The following DDX18 variants were observed in gnomAD, a reference collection of about 807,000 sequenced individuals.
DDX18 encodes ATP-dependent RNA helicase DDX18.
DDX18 carries 23 observed loss-of-function variants against 73.5 expected under a neutral mutation model. The ratio of observed to expected loss-of-function variants is 0.31; its 90% CI spans 0.23 to 0.44. The LOEUF is 0.44. Among genes scored for constraint, DDX18 ranks in the 20% least tolerant of loss-of-function variants. DDX18 has a pLI of 1.00. For synonymous variants in DDX18, 268 were observed against 282.7 expected, an observed-to-expected ratio of 0.95 and a Z score of 0.52; for missense variants, 753 against 792.9, an observed-to-expected ratio of 0.95 and a Z score of 0.60.
chr2:117,829,079 C>A, intron 12 of DDX18, 74 bp downstream of exon 12: 1 of 1,320,656 alleles, frequency 7.6e-7, no homozygotes, highest in Non-Finnish European at 1.1e-6. Flanking sequence ...ATTCACTGGG[C>A]AATCACTGTC....
intron 2 of DDX18, among the ~76,000 whole-genome samples, chr2:117,819,359 G>A (rs1166877491): frequency 1.3e-5 from 2 of 152,126 alleles, no homozygotes; most frequent in African/African-American, 4.8e-5. Context: ...ATGTTAATCA[G>A]GTATGCTTCC....
intron 7 of DDX18, chr2:117,824,306 T>C (rs1016211587): frequency 7.3e-6 from 2 of 274,000 alleles, no homozygotes; most frequent in Non-Finnish European, 1.3e-5. Flanking sequence ...AAAATTTCTT[T>C]AGTAGATATA....
chr2:117,826,250 T>C lies in DDX18; in HGVS notation c.1522-19T>C, dbSNP rs377041827. On this transcript the variant is annotated intron_variant, in intron 10 of 13. Transcript: ENST00000263239. ...GTGGAAGTCACTGCGTTAACTCAGA[T>C]TTTCTTTCTCCACCAAAGGAATATA... 7 of 1,608,112 alleles carry C rather than the reference T, an allele frequency of 4.4e-6. No homozygotes were observed. The highest frequency in any genetic ancestry group is 5.1e-6 in the Non-Finnish European group (6 of 1,176,124).
At chr2:117,824,498 A>G (rs1052553498) in intron 7 of DDX18, 71 bp from the exon 8 acceptor site, 91 of 1,263,596 alleles carry the variant, frequency 7.2e-5, no homozygotes, top group Non-Finnish European at 4.6e-5. Context: ...TACCTAGAAT[A>G]TTTGTAGTTG....
At chr2:117,827,629 T>C (rs1370163512) in intron 11 of DDX18, 2 of 152,146 alleles carry the variant, frequency 1.3e-5, no homozygotes, top group Non-Finnish European at 2.9e-5. Flanking sequence ...AGAATGATGG[T>C]TTCCCGTGTC....
Position 117,822,422 on chromosome 2 carries a change from T to A in DDX18, c.1066+161T>A, listed in dbSNP as rs186035494. 166 of 589,456 alleles carry A rather than the reference T, an allele frequency of 2.8e-4. 1 individual carries two copies. Among genetic ancestry groups the A allele is most frequent in the African/African-American group, 2.8e-3 (148 of 53,540 alleles). 36.5% of individuals were successfully genotyped at this position (589,456 alleles called of 1,614,324 possible). On this transcript the variant is annotated intron_variant, in intron 7 of 13. Coordinates refer to ENST00000263239, the MANE Select transcript of DDX18 (RefSeq NM_006773.4). ...GGTAATTTGGAATACAAGCATCAAA[T>A]GTATTATAACTTGATATAATAGTTT...
At position 117,832,088 on chromosome 2, in the gene DDX18, C is replaced by T. The variant is rs1378874921; in HGVS notation, c.*1364C>T. 6.6e-6 allele frequency: 1 copy of T among 152,330 alleles called. No homozygotes were observed. Among genetic ancestry groups the T allele is most frequent in the South Asian group, 2.1e-4 (1 of 4,832 alleles). 9.4% of individuals were successfully genotyped at this position (152,330 alleles called of 1,614,324 possible). On this transcript the variant is annotated 3_prime_UTR_variant, in exon 14 of 14. Coordinates refer to ENST00000263239, the MANE Select transcript of DDX18 (RefSeq NM_006773.4). ...CTTGACTGCTGAGCTCCTGGCTTAG[C>T]TTCTTGGGTTCCTAATTCCTGGTGT... is the stretch of plus-strand genomic sequence containing the variant.
intron 1 of DDX18, 21 bp from the exon 2 acceptor site, chr2:117,817,423 A>T: frequency 6.3e-7 from 1 of 1,579,632 alleles, no homozygotes; most frequent in South Asian, 1.2e-5. Flanking sequence ...GTCACAGTAT[A>T]TGTTCTGTTT....
At chr2:117,822,429 T>A (rs1679860906) in intron 7 of DDX18, 168 bp downstream of exon 7, 2 of 568,136 alleles carry the variant, frequency 3.5e-6, no homozygotes, top group Non-Finnish European at 6.3e-6. Flanking sequence ...AAATGTATTA[T>A]AACTTGATAT....
intron 1 of DDX18, among the ~76,000 whole-genome samples, chr2:117,816,946 T>C (rs1484692748): frequency 6.6e-6 from 1 of 152,228 alleles, no homozygotes; most frequent in East Asian, 1.9e-4. Flanking sequence ...ATGATAAATA[T>C]TGGAGCAAAT....
Position 117,830,947 on chromosome 2 carries a change from A to G in DDX18, c.*223A>G, listed in dbSNP as rs1680013550. 9.6e-6 allele frequency: 5 copies of G among 518,242 alleles called. No individual in the cohort carries two copies. In the South Asian group the frequency reaches 1.1e-4, roughly 12 times the overall value. 32.1% of individuals were successfully genotyped at this position (518,242 alleles called of 1,614,324 possible). On this transcript the variant is annotated 3_prime_UTR_variant, in exon 14 of 14. Coordinates refer to ENST00000263239, the MANE Select transcript of DDX18 (RefSeq NM_006773.4). ...TTTCTTGGTTGCCCAAGGGCAGAGC[A>G]AGGAATATCTGGTGTTTCTTGTGAT...
At chr2:117,828,884 T>C (rs1307095521) in intron 11 of DDX18, 65 bp from the exon 12 acceptor site, 2 of 1,162,230 alleles carry the variant, frequency 1.7e-6, no homozygotes, top group Non-Finnish European at 1.3e-6. Context: ...CTTCCCTGTC[T>C]TCAGTACCCA....
intron 11 of DDX18, chr2:117,827,292 C>T (rs1167169231): frequency 6.6e-6 from 1 of 152,230 alleles, no homozygotes; most frequent in Non-Finnish European, 1.5e-5. Flanking sequence ...CCTCCTTGTT[C>T]CCACAGCACA....
rs1679900725 is a variant in DDX18 at position 117,824,966 on chromosome 2, G to GC, written c.1233_1234insC (p.Arg412GlnfsTer10). 1 of 1,611,576 alleles carries GC rather than the reference G, an allele frequency of 6.2e-7. No individual in the cohort carries two copies. Among genetic ancestry groups the GC allele is most frequent in the African/African-American group, 1.3e-5 (1 of 74,632 alleles). On this transcript the variant is annotated frameshift_variant, in exon 9 of 14. Coordinates refer to ENST00000263239, the MANE Select transcript of DDX18 (RefSeq NM_006773.4). LOFTEE classifies it high-confidence loss of function. ...GATATGTTGTTTGTCCTTCTGAAAA[G>GC]AGATTCCTTCTGCTCTTTACATTCC...
intron 1 of DDX18, 109 bp downstream of exon 1, chr2:117,814,971 A>G (rs1679731974): frequency 2.7e-6 from 3 of 1,127,578 alleles, no homozygotes; most frequent in Admixed American, 3.7e-5. Context: ...CTTCCCCTGC[A>G]GCGTGTGTGA....
At chr2:117,817,773 A>G (rs755212752) in intron 2 of DDX18, 45 bp downstream of exon 2, 3 of 1,545,032 alleles carry the variant, frequency 1.9e-6, no homozygotes, top group Non-Finnish European at 2.6e-6. Flanking sequence ...AGTTTTTCAC[A>G]GACGGTTATT....
rs543909776 is a variant in DDX18 at position 117,818,253 on chromosome 2, A to G, written c.370+525A>G. 1.4e-4 allele frequency among the ~76,000 whole-genome samples: 22 copies of G among 152,358 alleles called. 2 individuals are homozygous for G. In the South Asian group the frequency reaches 4.6e-3, roughly 32 times the overall value. On this transcript the variant is annotated intron_variant, in intron 2 of 13. Transcript: ENST00000263239. ...AATTGAGATTTGTATAAGCAGAGAT[A>G]TCAAGGTAGGATAAGATAGGGGTCA...
intron 1 of DDX18, among the ~76,000 whole-genome samples, chr2:117,816,253 T>A (rs1679755191): frequency 6.6e-6 from 1 of 152,210 alleles, no homozygotes; most frequent in East Asian, 1.9e-4. Context: ...TTTTTAATAC[T>A]TTTATTCTTA....
At chr2:117,823,417 G>T (rs1452584985) in intron 7 of DDX18, among the ~76,000 whole-genome samples, 1 of 152,078 alleles carries the variant, frequency 6.6e-6, no homozygotes, top group East Asian at 1.9e-4. Context: ...AAAATTTCAA[G>T]TTCCAATTGC....
Sources: gnomAD v4.1 joint callset for allele counts (sites outside exome capture counted in the v4.1 genomes callset) on GRCh38, gnomAD v4.1.1 for gene constraint, MANE v1.5 for transcripts, NCBI Gene and HGNC (gene_info 2026-07-23, HGNC 2026-07-21) for gene names.